EPHA5: variants seen among roughly 807,000 people sequenced by gnomAD.
EPHA5 encodes the protein ephrin type-A receptor 5.
In EPHA5, 60 loss-of-function variants were observed where a neutral mutation model predicts 105.0. That is an observed-to-expected ratio of 0.57 (90% confidence interval 0.46 to 0.71). The LOEUF (loss-of-function observed/expected upper bound fraction) is 0.71, where lower values mean the gene tolerates loss of function less well. Among genes scored for constraint, EPHA5 ranks in the 30% least tolerant of loss-of-function variants. The pLI, the probability that EPHA5 is intolerant of heterozygous loss-of-function variation, is 0.00. For synonymous variants in EPHA5, 513 were observed against 449.1 expected, an observed-to-expected ratio of 1.14 and a Z score of -1.80; for missense variants, 1,218 against 1,274.7, an observed-to-expected ratio of 0.96 and a Z score of 0.68.
At position 65,379,511 on chromosome 4, in the gene EPHA5, A is replaced by C. The variant is rs1024583185; in HGVS notation, c.1794-12087T>G. ...CTTTCTTATTTAGGTTGACAGCTATAAAATAGTGATAAAAATAGATGTTTT... is the reference window on the plus strand; with the variant it reads ...CTTTCTTATTTAGGTTGACAGCTATCAAATAGTGATAAAAATAGATGTTTT... On this transcript the variant is annotated intron_variant, in intron 8 of 16. Coordinates refer to ENST00000613740, the MANE Select transcript of EPHA5 (RefSeq NM_001281766.3). Among the ~76,000 whole-genome samples the C allele has an allele frequency of 2.0e-5, 3 of 151,796 alleles. No homozygotes were observed. The Admixed American group carries it at 2.0e-4, about 10-fold the overall frequency.
At chr4:65,575,982 A>AAGAG (rs370914193) in intron 3 of EPHA5, among the ~76,000 whole-genome samples, 2 of 39,720 alleles carry the variant, frequency 5.0e-5, no homozygotes, top group Non-Finnish European at 9.9e-5. Flanking sequence ...TCAAAAAAGA[A>AAGAG]AGAGAGAGAG....
At chr4:65,610,562 C>A (rs557151765) in intron 2 of EPHA5, among the ~76,000 whole-genome samples, 13 of 151,426 alleles carry the variant, frequency 8.6e-5, no homozygotes, top group African/African-American at 2.4e-4. Context: ...ATTAATTAAA[C>A]AAATAAAATG....
intron 15 of EPHA5, among the ~76,000 whole-genome samples, chr4:65,333,397 A>C (rs1720833302): frequency 6.6e-6 from 1 of 151,614 alleles, no homozygotes; most frequent in Non-Finnish European, 1.5e-5. Flanking sequence ...ATCTGTGAGC[A>C]CTTTTCAAAC....
At chr4:65,339,255 T>C (rs1381735277) in intron 14 of EPHA5, among the ~76,000 whole-genome samples, 3 of 152,124 alleles carry the variant, frequency 2.0e-5, no homozygotes, top group Admixed American at 6.6e-5. Context: ...TATATACCTG[T>C]TGTGGGTATG....
rs370043966 is a variant in EPHA5, at chr4:65,331,961, A to G, written c.2945+12T>C. On this transcript the variant is annotated intron_variant, in intron 16 of 16. Coordinates refer to ENST00000613740, the MANE Select transcript of EPHA5 (RefSeq NM_001281766.3). ...CAGCAATTATGTAAAAATTATCAGAAAAATTACTCACTCCAAGGTCACCTG... is the reference window on the plus strand; with the variant it reads ...CAGCAATTATGTAAAAATTATCAGAGAAATTACTCACTCCAAGGTCACCTG... 1.3e-6 allele frequency: 2 copies of G among 1,569,232 alleles called. No homozygotes were observed. The highest frequency in any genetic ancestry group is 2.0e-5 in the Admixed American group (1 of 49,702).
intron 3 of EPHA5, among the ~76,000 whole-genome samples, chr4:65,529,565 C>T (rs998004097): frequency 5.3e-5 from 8 of 151,956 alleles, no homozygotes; most frequent in Non-Finnish European, 1.0e-4. Flanking sequence ...ACGGTAAAAA[C>T]CCCTGGAAAT....
chr4:65,595,963 T>A (rs903791688), intron 3 of EPHA5, among the ~76,000 whole-genome samples: 8 of 152,172 alleles, frequency 5.3e-5, no homozygotes, highest in Non-Finnish European at 1.2e-4. Context: ...ACAGCCTTGG[T>A]AAATGGCAGA....
At chr4:65,623,346 T>C (rs1171101426) in intron 2 of EPHA5, among the ~76,000 whole-genome samples, 1 of 152,144 alleles carries the variant, frequency 6.6e-6, no homozygotes, top group African/African-American at 2.4e-5. Context: ...AAAATCTTTC[T>C]TTCAATCTCA....
chr4:65,622,150 T>A (rs1340554365), intron 2 of EPHA5, among the ~76,000 whole-genome samples: 1 of 152,142 alleles, frequency 6.6e-6, no homozygotes, highest in African/African-American at 2.4e-5. Flanking sequence ...TTATTTTATT[T>A]TCTAGAAAAG....
chr4:65,596,025 C>T (rs559250925), intron 3 of EPHA5, among the ~76,000 whole-genome samples: 2 of 152,310 alleles, frequency 1.3e-5, no homozygotes, highest in Admixed American at 6.5e-5. Flanking sequence ...GGTTAAACTA[C>T]TAGGGCATGC....
chr4:65,351,768 A>T (rs907688639), intron 12 of EPHA5, among the ~76,000 whole-genome samples, 170 bp from the exon 13 acceptor site: 1 of 152,062 alleles, frequency 6.6e-6, no homozygotes, highest in Non-Finnish European at 1.5e-5. Context: ...TAACTTGGTG[A>T]CATTTATTTT....
chr4:65,444,683 A>T (rs1044004094), intron 5 of EPHA5, among the ~76,000 whole-genome samples: 1 of 151,860 alleles, frequency 6.6e-6, no homozygotes, highest in Non-Finnish European at 1.5e-5. Context: ...CATTTTATTT[A>T]TTTTTTTGCT....
intron 13 of EPHA5, among the ~76,000 whole-genome samples, chr4:65,349,203 T>C (rs1156934389): frequency 1.3e-5 from 2 of 152,086 alleles, no homozygotes; most frequent in Non-Finnish European, 2.9e-5. Flanking sequence ...TCCTCTGTTG[T>C]CTTATTTTGT....
chr4:65,469,034 A>C (rs12331261), intron 5 of EPHA5, among the ~76,000 whole-genome samples: 23,641 of 151,946 alleles, frequency 0.16, 2,125 homozygotes, highest in African/African-American at 0.23. Flanking sequence ...TTGAGTGTGA[A>C]GTCTAGGACT....
chr4:65,456,220 T>A (rs1320939021), intron 5 of EPHA5, among the ~76,000 whole-genome samples: 1 of 152,174 alleles, frequency 6.6e-6, no homozygotes, highest in Admixed American at 6.5e-5. Context: ...AAGGAATTTC[T>A]ATTGCAGAGG....
intron 3 of EPHA5, among the ~76,000 whole-genome samples, chr4:65,599,980 G>A (rs1226637298): frequency 6.6e-6 from 1 of 152,008 alleles, no homozygotes; most frequent in Non-Finnish European, 1.5e-5. Context: ...TCAAAATAAT[G>A]ACAAAGGTCA....
chr4:65,411,884 A>G (rs1229868857), intron 7 of EPHA5, among the ~76,000 whole-genome samples: 3 of 152,174 alleles, frequency 2.0e-5, no homozygotes, highest in Non-Finnish European at 2.9e-5. Flanking sequence ...TCTTGAGCTA[A>G]AAAGAAACCC....
intron 5 of EPHA5, among the ~76,000 whole-genome samples, chr4:65,476,762 C>A (rs1349174997): frequency 6.6e-6 from 1 of 151,908 alleles, no homozygotes; most frequent in East Asian, 1.9e-4. Context: ...GAAAGATTAA[C>A]TAAGTAGGCT....
At position 65,669,760 on chromosome 4, in the gene EPHA5, C is replaced by A. The variant is rs2149572631; in HGVS notation, c.-18G>T. On this transcript the variant is annotated 5_prime_UTR_variant, in exon 1 of 17. Coordinates refer to ENST00000613740, the MANE Select transcript of EPHA5 (RefSeq NM_001281766.3). ...CCCCGCATCTTCTCCGAGCCTCCTCCGGTGCCGCTGTCCCGAGCGGCTCAG... is the reference window on the plus strand; with the variant it reads ...CCCCGCATCTTCTCCGAGCCTCCTCAGGTGCCGCTGTCCCGAGCGGCTCAG... 8.0e-7 allele frequency: 1 copy of A among 1,252,082 alleles called. No individual in the cohort carries two copies. The highest frequency in any genetic ancestry group is 1.0e-6 in the Non-Finnish European group (1 of 997,978). The allele number at this position is 1,252,082 out of a possible 1,614,324, so 77.6% of individuals were successfully genotyped here. A position where few individuals can be genotyped will look rare whatever the true frequency, so the allele number is the denominator to read the frequency against.
Sources: gnomAD v4.1 joint callset for allele counts (sites outside exome capture counted in the v4.1 genomes callset) on GRCh38, gnomAD v4.1.1 for gene constraint, MANE v1.5 for transcripts, NCBI Gene and HGNC (gene_info 2026-07-23, HGNC 2026-07-21) for gene names.